The following SPRYD7 variants were observed in gnomAD, a reference collection of about 807,000 sequenced individuals.
SPRYD7 encodes SPRY domain-containing protein 7.
A neutral mutation model predicts 23.8 loss-of-function variants in SPRYD7; 14 were observed. That is an observed-to-expected ratio of 0.59 (90% confidence interval 0.39 to 0.92). The LOEUF (loss-of-function observed/expected upper bound fraction) is 0.92, where lower values mean the gene tolerates loss of function less well. Ranked by LOEUF, SPRYD7 falls within the 40% of genes least tolerant of loss-of-function variation. The probability of loss-of-function intolerance (pLI) is 0.00; values close to 1 mark genes in which losing one functional copy is unlikely to be tolerated. For synonymous variants in SPRYD7, 75 were observed against 84.9 expected, an observed-to-expected ratio of 0.88 and a Z score of 0.64; for missense variants, 194 against 241.7, an observed-to-expected ratio of 0.80 and a Z score of 1.31.
At chr13:49,920,403 C>G (rs1955805063) in intron 4 of SPRYD7, among the ~76,000 whole-genome samples, 1 of 152,188 alleles carries the variant, frequency 6.6e-6, no homozygotes, top group Admixed American at 6.5e-5. Context: ...ATTCCCATCT[C>G]TAATTCCAAA....
chr13:49,919,083 C>T (rs117235855), intron 4 of SPRYD7, among the ~76,000 whole-genome samples: 12,738 of 151,990 alleles, frequency 0.084, 1,367 homozygotes, highest in East Asian at 0.53. Flanking sequence ...CTTACAAAAC[C>T]AAAGGCAGAA....
intron 2 of SPRYD7, among the ~76,000 whole-genome samples, chr13:49,930,347 C>T (rs773596499): frequency 1.3e-5 from 2 of 151,842 alleles, no homozygotes; most frequent in Non-Finnish European, 2.9e-5. Context: ...TTTGGGAGGC[C>T]GACGAGGGCA....
intron 3 of SPRYD7, among the ~76,000 whole-genome samples, chr13:49,923,070 C>T (rs906218120): frequency 6.6e-6 from 1 of 152,128 alleles, no homozygotes; most frequent in African/African-American, 2.4e-5. Context: ...GGCTGGGATT[C>T]ACTTTTCTAA....
At chr13:49,923,968 G>C (rs1594513090) in intron 3 of SPRYD7, among the ~76,000 whole-genome samples, 1 of 148,100 alleles carries the variant, frequency 6.8e-6, no homozygotes, top group African/African-American at 2.5e-5. Context: ...TTTTGTTTTT[G>C]TTTTTGAGAC....
At chr13:49,925,620 G>A (rs891529499) in intron 3 of SPRYD7, among the ~76,000 whole-genome samples, 1 of 151,834 alleles carries the variant, frequency 6.6e-6, no homozygotes, top group African/African-American at 2.4e-5. Context: ...GACCATCCTG[G>A]CTAACACAGT....
In SPRYD7 at chr13:49,931,028, G is replaced by C. The variant is rs1955941583; in HGVS notation, c.213C>G (p.Ile71Met). Reference sequence around the variant, plus strand: ...TACCATTATACCAACCTGTGGACTGGATTTTGAATTCAAAATAGCTTTTGT... The same window carrying C: ...TACCATTATACCAACCTGTGGACTGCATTTTGAATTCAAAATAGCTTTTGT... ...HQNKSYFEFK[I>M]QSTGIWGIGV... Residue 71 changes from isoleucine to methionine, a missense_variant, in exon 2 of 5, where the codon ATC (isoleucine) becomes ATG (methionine). By Grantham distance (10) the Ile-to-Met change is conservative (BLOSUM62 1). Coordinates refer to ENST00000361840, the MANE Select transcript of SPRYD7 (RefSeq NM_020456.4). 1 of 1,606,932 alleles carries C rather than the reference G, an allele frequency of 6.2e-7. No individual in the cohort carries two copies. The highest frequency in any genetic ancestry group is 1.3e-5 in the African/African-American group (1 of 74,716).
intron 2 of SPRYD7, among the ~76,000 whole-genome samples, chr13:49,930,513 G>A (rs529556774): frequency 3.4e-4 from 52 of 152,024 alleles, no homozygotes; most frequent in Admixed American, 1.2e-3. Flanking sequence ...CCCGGGAGGC[G>A]GAGGTTGCCG....
rs1358932063 is a variant in SPRYD7 at position 49,914,861 on chromosome 13, C to T, written c.*202G>A. On this transcript the variant is annotated 3_prime_UTR_variant, in exon 5 of 5. Transcript: ENST00000361840. ...TTAAATAAGAATTAAATAAACTGCCCAAATGCTTATTTTCATTTCACAAAA... is the reference window on the plus strand; with the variant it reads ...TTAAATAAGAATTAAATAAACTGCCTAAATGCTTATTTTCATTTCACAAAA... The T allele has an allele frequency of 1.0e-5, 3 of 297,858 alleles. No homozygotes were observed. The highest frequency in any genetic ancestry group is 1.9e-5 in the Non-Finnish European group (3 of 155,412). 18.5% of individuals were successfully genotyped at this position (297,858 alleles called of 1,614,324 possible).
chr13:49,915,952 C>G (rs952636410), intron 4 of SPRYD7, among the ~76,000 whole-genome samples: 1 of 152,172 alleles, frequency 6.6e-6, no homozygotes, highest in Non-Finnish European at 1.5e-5. Context: ...AAAGAAAAGA[C>G]CATATGATTT....
intron 2 of SPRYD7, among the ~76,000 whole-genome samples, chr13:49,928,986 C>A (rs1955915568): frequency 6.6e-6 from 1 of 152,048 alleles, no homozygotes; most frequent in Non-Finnish European, 1.5e-5. Flanking sequence ...TATTTTAAGC[C>A]ACCACACCCA....
intron 3 of SPRYD7, among the ~76,000 whole-genome samples, chr13:49,924,987 A>T (rs1270748962): frequency 8.2e-6 from 1 of 121,408 alleles, no homozygotes; most frequent in East Asian, 3.2e-4. Flanking sequence ...AAAAAAAAAA[A>T]ATAAATAAAT....
chr13:49,927,970 T>G lies in SPRYD7; in HGVS notation c.339A>C (p.Glu113Asp), dbSNP rs754750591. 17 of 1,614,188 alleles carry G rather than the reference T, an allele frequency of 1.1e-5. No homozygotes were observed. In the South Asian group the frequency reaches 1.9e-4, roughly 18 times the overall value. ...TGTTTGCTGGCAGCCTATTTTTCTC[T>G]TCATTGTTGTGGTAAAGGGCTCCAT... The part of the protein sequence containing the change: ...RNDGALYHNN[E>D]EKNRLPANSL... The change falls in exon 3 of 5, where the codon GAA (glutamate) becomes GAC (aspartate). Residue 113 changes from glutamate (E) to aspartate (D), a missense_variant. Coordinates refer to ENST00000361840, the MANE Select transcript of SPRYD7 (RefSeq NM_020456.4).
intron 3 of SPRYD7, among the ~76,000 whole-genome samples, chr13:49,924,854 T>C (rs531857991): frequency 4.6e-5 from 7 of 151,232 alleles, no homozygotes; most frequent in African/African-American, 1.7e-4. Flanking sequence ...CAGGCACCTG[T>C]AATTGTAGCT....
intron 3 of SPRYD7, among the ~76,000 whole-genome samples, chr13:49,925,253 G>A (rs997010487): frequency 1.3e-5 from 2 of 151,880 alleles, no homozygotes; most frequent in South Asian, 4.2e-4. Context: ...TTAGCCAGGC[G>A]TGGTGGCACG....
intron 4 of SPRYD7, among the ~76,000 whole-genome samples, chr13:49,916,700 T>C (rs1307746576): frequency 6.6e-6 from 1 of 151,702 alleles, no homozygotes; most frequent in Non-Finnish European, 1.5e-5. Flanking sequence ...ACAGGACTAG[T>C]GAGGGATGCA....
At chr13:49,921,854 T>C (rs1166324177) in intron 3 of SPRYD7, among the ~76,000 whole-genome samples, 1 of 152,242 alleles carries the variant, frequency 6.6e-6, no homozygotes, top group Admixed American at 6.5e-5. Flanking sequence ...CTGGATTTTA[T>C]ATTTTGAATG....
chr13:49,921,638 TG>T (rs1393370495), intron 3 of SPRYD7, 58 bp from the exon 4 acceptor site: 2 of 1,061,912 alleles, frequency 1.9e-6, no homozygotes, highest in Admixed American at 1.8e-5. Context: ...AAGCATTGAC[TG>T]GGAAGTATGG....
At chr13:49,920,703 G>C (rs575722986) in intron 4 of SPRYD7, among the ~76,000 whole-genome samples, 1 of 152,100 alleles carries the variant, frequency 6.6e-6, no homozygotes, top group Non-Finnish European at 1.5e-5. Flanking sequence ...ACTTATACCT[G>C]TAATCCCAGC....
chr13:49,916,815 C>T (rs908896158), intron 4 of SPRYD7, among the ~76,000 whole-genome samples: 4 of 152,050 alleles, frequency 2.6e-5, no homozygotes, highest in Non-Finnish European at 5.9e-5. Context: ...AAGTGACGTT[C>T]CAGATTTGGG....
Sources: gnomAD v4.1 joint callset for allele counts (sites outside exome capture counted in the v4.1 genomes callset) on GRCh38, gnomAD v4.1.1 for gene constraint, MANE v1.5 for transcripts, NCBI Gene and HGNC (gene_info 2026-07-23, HGNC 2026-07-21) for gene names.